The following CFAP221 variants were observed in gnomAD, a reference collection of about 807,000 sequenced individuals.
The protein encoded by CFAP221 is cilia and flagella associated protein 221, also known as cilia- and flagella-associated protein 221.
A neutral mutation model predicts 113.1 loss-of-function variants in CFAP221; 97 were observed. The observed-to-expected ratio is 0.86, with a 90% CI of 0.73 to 1.02. CFAP221 has a LOEUF of 1.02. CFAP221 is among the 50% of genes least tolerant of loss of function. The pLI, the probability that CFAP221 is intolerant of heterozygous loss-of-function variation, is 0.00. For synonymous variants in CFAP221, 331 were observed against 354.4 expected (o/e 0.93, Z 0.74); for missense variants, 1,025 against 1,013.4 (o/e 1.01, Z -0.16).
At chr2:119,549,941 C>T (rs1260262154) in intron 3 of CFAP221, among the ~76,000 whole-genome samples, 2 of 152,356 alleles carry the variant, frequency 1.3e-5, no homozygotes, top group East Asian at 3.9e-4. Context: ...CTAGGGTGGG[C>T]TCTGCCTTAC....
At chr2:119,597,757 T>G (rs188865247) in intron 7 of CFAP221, among the ~76,000 whole-genome samples, 4 of 152,224 alleles carry the variant, frequency 2.6e-5, no homozygotes, top group Admixed American at 2.6e-4. Context: ...CCTCTAGAGG[T>G]TTCCCATTGG....
intron 20 of CFAP221, 112 bp downstream of exon 20, chr2:119,638,529 C>T (rs1398560599): frequency 7.3e-7 from 1 of 1,364,936 alleles, no homozygotes; most frequent in Non-Finnish European, 1.0e-6. Context: ...GCCACAGCTG[C>T]AGAACAAGAA....
intron 14 of CFAP221, among the ~76,000 whole-genome samples, chr2:119,617,644 T>C (rs1685619945): frequency 6.6e-6 from 1 of 152,200 alleles, no homozygotes; most frequent in Admixed American, 6.5e-5. Context: ...ATTCTTTGCC[T>C]AATCTCCTCA....
intron 6 of CFAP221, among the ~76,000 whole-genome samples, chr2:119,567,662 G>T (rs180929599): frequency 6.6e-6 from 1 of 152,140 alleles, no homozygotes; most frequent in Admixed American, 6.5e-5. Flanking sequence ...GGATTGTATG[G>T]TAAGAGTATG....
At chr2:119,627,480 G>A (rs1391529491) in intron 15 of CFAP221, among the ~76,000 whole-genome samples, 173 bp from the exon 16 acceptor site, 1 of 149,886 alleles carries the variant, frequency 6.7e-6, no homozygotes, top group Non-Finnish European at 1.5e-5. Context: ...TAACCAGAAA[G>A]GAGGTTGAGG....
At chr2:119,634,128 G>A (rs1468712288) in intron 19 of CFAP221, among the ~76,000 whole-genome samples, 2 of 151,948 alleles carry the variant, frequency 1.3e-5, no homozygotes, top group Non-Finnish European at 2.9e-5. Flanking sequence ...AATAATAACA[G>A]TAATAATAAT....
At chr2:119,606,641 A>G (rs978623380) in intron 11 of CFAP221, among the ~76,000 whole-genome samples, 12 of 152,102 alleles carry the variant, frequency 7.9e-5, no homozygotes, top group Admixed American at 7.9e-4. Context: ...TTTTACATAT[A>G]GAGAAGGAAA....
At chr2:119,621,531 A>G (rs1391432440) in intron 14 of CFAP221, among the ~76,000 whole-genome samples, 1 of 152,204 alleles carries the variant, frequency 6.6e-6, no homozygotes, top group Non-Finnish European at 1.5e-5. Context: ...TCAGCTCTGG[A>G]CCAAGTGGAC....
At chr2:119,576,303 T>C (rs937176883) in intron 6 of CFAP221, among the ~76,000 whole-genome samples, 3 of 152,206 alleles carry the variant, frequency 2.0e-5, no homozygotes, top group Non-Finnish European at 4.4e-5. Context: ...CCAGGTACTA[T>C]GCCTAGTACC....
chr2:119,596,353 G>C (rs1203943497), intron 7 of CFAP221, among the ~76,000 whole-genome samples: 6 of 152,184 alleles, frequency 3.9e-5, no homozygotes, highest in African/African-American at 1.4e-4. Context: ...CAGTCGCCCT[G>C]CCCTCCATGG....
intron 6 of CFAP221, among the ~76,000 whole-genome samples, chr2:119,578,712 C>T (rs1166560478): frequency 6.6e-6 from 1 of 152,186 alleles, no homozygotes; most frequent in African/African-American, 2.4e-5. Flanking sequence ...CCCTCTGAAC[C>T]TAGTCATCGT....
chr2:119,628,588 C>T (rs949569725), intron 16 of CFAP221, among the ~76,000 whole-genome samples: 2 of 152,142 alleles, frequency 1.3e-5, no homozygotes, highest in Non-Finnish European at 2.9e-5. Context: ...GAGTTCACAT[C>T]GTTAGTAATA....
At chr2:119,648,156 A>G (rs1379768768) in intron 22 of CFAP221, among the ~76,000 whole-genome samples, 1 of 152,236 alleles carries the variant, frequency 6.6e-6, no homozygotes, top group Non-Finnish European at 1.5e-5. Context: ...ATAATTAGAT[A>G]TACTACCATT....
chr2:119,571,133 C>CTTTTTTTTTTTT (rs34017847), intron 6 of CFAP221, among the ~76,000 whole-genome samples: 4 of 93,132 alleles, frequency 4.3e-5, no homozygotes, highest in Non-Finnish European at 6.1e-5. Context: ...TAACAACCCC[C>CTTTTTTTTTTTT]TTTTTTTTTT....
chr2:119,658,707 GTGGTGGCTCACGCC>G (rs978040780), downstream of CFAP221, among the ~76,000 whole-genome samples: 2 of 151,988 alleles, frequency 1.3e-5, no homozygotes, highest in African/African-American at 4.8e-5. Context: ...ATGGCCAGGC[GTGGTGGCTCACGCC>G]TGTAATGCTA....
At chr2:119,559,455 G>T (rs1452831587) in intron 3 of CFAP221, among the ~76,000 whole-genome samples, 5 of 151,998 alleles carry the variant, frequency 3.3e-5, no homozygotes, top group African/African-American at 1.2e-4. Flanking sequence ...GGTACTGCAG[G>T]TATTGTTCCT....
chr2:119,549,447 T>C (rs1341852318), intron 3 of CFAP221, among the ~76,000 whole-genome samples: 3 of 152,222 alleles, frequency 2.0e-5, no homozygotes, highest in Non-Finnish European at 4.4e-5. Context: ...CCAGATGCTG[T>C]GCTTCATGAT....
rs941712588 is a variant in CFAP221 at position 119,652,119 on chromosome 2, T to A, written c.2414+50T>A. 5.4e-6 allele frequency: 8 copies of A among 1,472,374 alleles called. No homozygotes were observed. In the African/African-American group the frequency reaches 9.8e-5, roughly 18 times the overall value. 91.2% of individuals were successfully genotyped at this position (1,472,374 alleles called of 1,614,324 possible). A position where few individuals can be genotyped will look rare whatever the true frequency, so the allele number is the denominator to read the frequency against. ...TTAAAAGGTAATCTTGGATGAAATT[T>A]GTTCTGCATAAAGTACAAAAGTGTC... On this transcript the variant is annotated intron_variant, in intron 23 of 23. Coordinates refer to ENST00000413369, the MANE Select transcript of CFAP221 (RefSeq NM_001271049.2).
At chr2:119,606,371 C>T (rs1684763150) in intron 11 of CFAP221, among the ~76,000 whole-genome samples, 1 of 152,050 alleles carries the variant, frequency 6.6e-6, no homozygotes, top group South Asian at 2.1e-4. Context: ...ATGACCCAGC[C>T]TCCACCCTTC....
Sources: allele counts gnomAD v4.1 joint callset (sites outside exome capture counted in the v4.1 genomes callset), GRCh38; gene constraint gnomAD v4.1.1; transcripts MANE v1.5; gene names NCBI Gene and HGNC (gene_info 2026-07-23, HGNC 2026-07-21).